ITGB8: variants seen among roughly 807,000 people sequenced by gnomAD.
ITGB8 encodes the protein integrin subunit beta 8.
In ITGB8, 30 loss-of-function variants were observed where a neutral mutation model predicts 89.5. The ratio of observed to expected loss-of-function variants is 0.34; its 90% CI spans 0.25 to 0.45. The LOEUF (loss-of-function observed/expected upper bound fraction) is 0.45. Ranked by LOEUF, ITGB8 falls within the 20% of genes least tolerant of loss-of-function variation. ITGB8 has a pLI of 1.00. For missense variants in ITGB8, 836 were observed against 933.3 expected (o/e 0.90, Z 1.36); for synonymous variants, 335 against 320.4 (o/e 1.05, Z -0.49).
chr7:20,404,909 C>T (rs2074424), intron 11 of ITGB8, 56 bp downstream of exon 11: 1,274,795 of 1,525,950 alleles, frequency 0.84, 533,455 homozygotes, highest in Middle Eastern at 0.89. Context: ...TGTCCTTTTT[C>T]GTTCTGACTT....
intron 1 of ITGB8, chr7:20,346,841 G>T (rs1784942348): frequency 1.0e-6 from 1 of 985,302 alleles, no homozygotes; most frequent in Non-Finnish European, 1.2e-6. Context: ...GAAAAGCAAA[G>T]GAGAGCACCT....
intron 6 of ITGB8, among the ~76,000 whole-genome samples, chr7:20,390,356 C>T (rs919141282): frequency 3.3e-5 from 5 of 151,878 alleles, no homozygotes; most frequent in African/African-American, 4.8e-5. Context: ...ACTTGTTATT[C>T]GAGACAATCA....
intron 1 of ITGB8, among the ~76,000 whole-genome samples, chr7:20,354,962 C>T (rs1785240286): frequency 6.6e-6 from 1 of 152,138 alleles, no homozygotes; most frequent in Non-Finnish European, 1.5e-5. Context: ...CATTTATCAC[C>T]CTCTGGGGGA....
At position 20,405,603 on chromosome 7, in the gene ITGB8, C is replaced by T. The variant is rs369778801; in HGVS notation, c.1914-459C>T. 2.2e-4 allele frequency among the ~76,000 whole-genome samples: 33 copies of T among 152,064 alleles called. No individual in the cohort carries two copies. In the East Asian group the frequency reaches 6.0e-3, roughly 28 times the overall value. On this transcript the variant is annotated intron_variant, in intron 11 of 13. Coordinates refer to ENST00000222573, the MANE Select transcript of ITGB8 (RefSeq NM_002214.3). ...AAAGTGCTGGGATTACAGGCGTGAG[C>T]CACTGCGCCCGGCCTTATTTTTAAT...
intron 1 of ITGB8, 185 bp downstream of exon 1, chr7:20,332,118 C>T (rs993970896): frequency 4.7e-5 from 60 of 1,278,986 alleles, no homozygotes; most frequent in Non-Finnish European, 6.1e-5. Context: ...AGCATTTCTG[C>T]CCTGGAGCGA....
Position 20,402,030 on chromosome 7 carries a change from T to C in ITGB8, c.1591T>C (p.Cys531Arg), listed in dbSNP as rs1310036399. 1 of 1,614,148 alleles carries C rather than the reference T, an allele frequency of 6.2e-7. No individual in the cohort carries two copies. The change falls in exon 10 of 14, where the codon TGT becomes CGT. Residue 531 changes from cysteine (C) to arginine (R), a missense_variant. By Grantham distance (180) the Cys-to-Arg change is radical. This residue lies in a region of ITGB8 where 422 missense variants were observed against 416.9 expected (regional missense o/e 1.01). Transcript: ENST00000222573. ...TCGAGGAGTTTGTGTTTGTGGGAAA[T>C]GTTCATGTCACAAAATTAAGCTTGG... ...SGRGVCVCGKCSCHKIKLGKV... is the reference protein window; with the variant it reads ...SGRGVCVCGKRSCHKIKLGKV...
chr7:20,372,125 AATAACT>A (rs779494519), intron 3 of ITGB8, among the ~76,000 whole-genome samples: 4 of 152,194 alleles, frequency 2.6e-5, no homozygotes, highest in East Asian at 1.9e-4. Flanking sequence ...ATTTGCCTCT[AATAACT>A]ATAACTATAT....
chr7:20,403,706 GA>G (rs1787409814), intron 10 of ITGB8, among the ~76,000 whole-genome samples: 1 of 151,688 alleles, frequency 6.6e-6, no homozygotes, highest in Admixed American at 6.6e-5. Flanking sequence ...AGCAATAAAA[GA>G]AGAGAGAGAG....
intron 1 of ITGB8, among the ~76,000 whole-genome samples, chr7:20,340,127 G>A (rs1173486443): frequency 1.3e-5 from 2 of 152,214 alleles, no homozygotes; most frequent in Admixed American, 6.5e-5. Flanking sequence ...AACCATCACT[G>A]CTATAATGGT....
intron 1 of ITGB8, among the ~76,000 whole-genome samples, chr7:20,336,009 T>TTTC (rs1344375990): frequency 9.0e-6 from 1 of 111,094 alleles, no homozygotes; most frequent in Non-Finnish European, 2.0e-5. Context: ...TCTTTTTTTT[T>TTTC]TTTTTTTTTT....
chr7:20,376,810 A>C (rs1337601773), intron 3 of ITGB8, among the ~76,000 whole-genome samples: 6 of 152,180 alleles, frequency 3.9e-5, no homozygotes, highest in Non-Finnish European at 7.3e-5. Context: ...GCGATTACTA[A>C]AAGGCCTGTG....
At position 20,412,480 on chromosome 7, in the gene ITGB8, C is replaced by T. The variant is rs1223045868; in HGVS notation, c.*2483C>T. The T allele has an allele frequency of 2.6e-5, 4 of 152,416 alleles. No homozygotes were observed. The highest frequency in any genetic ancestry group is 5.9e-5 in the Non-Finnish European group (4 of 67,982). 9.4% of individuals were successfully genotyped at this position (152,416 alleles called of 1,614,324 possible). ...TATTTATGAACAATAAACAAATTTC[C>T]GTATGGAATGAATTATCCAAAAAGA... is the stretch of plus-strand genomic sequence containing the variant. On this transcript the variant is annotated 3_prime_UTR_variant, in exon 14 of 14. Coordinates refer to ENST00000222573, the MANE Select transcript of ITGB8 (RefSeq NM_002214.3).
At chr7:20,366,041 T>C (rs1177193792) in intron 2 of ITGB8, 1 of 152,206 alleles carries the variant, frequency 6.6e-6, no homozygotes, top group African/African-American at 2.4e-5. Flanking sequence ...TTATGTAGCA[T>C]GTTAATCTGC....
chr7:20,335,146 T>A (rs1386692982), intron 1 of ITGB8, among the ~76,000 whole-genome samples: 1 of 152,196 alleles, frequency 6.6e-6, no homozygotes, highest in Non-Finnish European at 1.5e-5. Context: ...TATTTTAAAA[T>A]ATTTCAGTAA....
intron 9 of ITGB8, among the ~76,000 whole-genome samples, chr7:20,399,914 C>T (rs1787240631): frequency 6.6e-6 from 1 of 152,110 alleles, no homozygotes; most frequent in African/African-American, 2.4e-5. Flanking sequence ...AGACTCTTCT[C>T]TTTAGTTAGA....
At chr7:20,361,619 G>T (rs768180066) in intron 1 of ITGB8, among the ~76,000 whole-genome samples, 1 of 152,184 alleles carries the variant, frequency 6.6e-6, no homozygotes, top group African/African-American at 2.4e-5. Context: ...AGAGGCTAAG[G>T]TTCAACATAT....
At chr7:20,373,868 T>C (rs1786030110) in intron 3 of ITGB8, among the ~76,000 whole-genome samples, 1 of 152,224 alleles carries the variant, frequency 6.6e-6, no homozygotes, top group Non-Finnish European at 1.5e-5. Flanking sequence ...TCATGTTCGT[T>C]GTGCCCAGTA....
Position 20,367,071 on chromosome 7 carries a change from C to T in ITGB8, c.273C>T (p.Ser91=), listed in dbSNP as rs2127947175. ...GTGATATTGTTTCCAATTTAATAAGCAAAGGCTGCTCAGTTGATTCAATAG... is the reference window on the plus strand; with the variant it reads ...GTGATATTGTTTCCAATTTAATAAGTAAAGGCTGCTCAGTTGATTCAATAG... ...ERCDIVSNLI[S]KGCSVDSIEY... is the part of the protein sequence containing the mutation. The change falls in exon 3 of 14, where the codon AGC becomes AGT. Residue 91 remains serine (S), a synonymous_variant. Transcript: ENST00000222573. 1.2e-6 allele frequency: 2 copies of T among 1,612,162 alleles called. 1 individual carries two copies. Among genetic ancestry groups the T allele is most frequent in the South Asian group, 2.2e-5 (2 of 90,862 alleles).
upstream of ITGB8, chr7:20,329,781 C>T (rs894465992): frequency 6.6e-6 from 1 of 152,068 alleles, no homozygotes; most frequent in African/African-American, 2.4e-5. Context: ...TCGCTCCTGC[C>T]CCTAGAGGGA....
Sources: gnomAD v4.1 joint callset for allele counts (sites outside exome capture counted in the v4.1 genomes callset) on GRCh38, gnomAD v4.1.1 for gene constraint, gnomAD v4.1.1 regional missense constraint, MANE v1.5 for transcripts, NCBI Gene and HGNC (gene_info 2026-07-23, HGNC 2026-07-21) for gene names.